The following FMN2 variants were observed in gnomAD, a reference collection of about 807,000 sequenced individuals.
FMN2 encodes formin 2.
A neutral mutation model predicts 142.3 loss-of-function variants in FMN2; 51 were observed. That is an observed-to-expected ratio of 0.36 (90% CI 0.29 to 0.45). The LOEUF (loss-of-function observed/expected upper bound fraction) is 0.45, where lower values mean the gene tolerates loss of function less well. Ranked by LOEUF, FMN2 falls within the 20% of genes least tolerant of loss-of-function variation. The pLI, the probability that FMN2 is intolerant of heterozygous loss-of-function variation, is 1.00. For missense variants in FMN2, 1,936 were observed against 2,122.8 expected, an observed-to-expected ratio of 0.91 and a Z score of 1.73; for synonymous variants, 882 against 869.8, an observed-to-expected ratio of 1.01 and a Z score of -0.25.
At chr1:240,350,405 G>C (rs1295301895) in intron 13 of FMN2, among the ~76,000 whole-genome samples, 1 of 152,158 alleles carries the variant, frequency 6.6e-6, no homozygotes, top group East Asian at 1.9e-4. Flanking sequence ...CTTTCATACA[G>C]GGTCTTAGTA....
At chr1:240,329,269 AATGAG>A in intron 9 of FMN2, 65 bp from the exon 10 acceptor site, 1 of 1,597,898 alleles carries the variant, frequency 6.3e-7, no homozygotes, top group Non-Finnish European at 8.5e-7. Flanking sequence ...ACTTGTTGTG[AATGAG>A]ATGAGGATAA....
At chr1:240,316,254 T>G (rs919541548) in intron 8 of FMN2, among the ~76,000 whole-genome samples, 10 of 152,132 alleles carry the variant, frequency 6.6e-5, no homozygotes, top group African/African-American at 2.4e-5. Context: ...AAGGACTTGA[T>G]CTTCGGGGAG....
At chr1:240,357,051 T>C (rs1400178809) in intron 14 of FMN2, among the ~76,000 whole-genome samples, 1 of 152,184 alleles carries the variant, frequency 6.6e-6, no homozygotes, top group African/African-American at 2.4e-5. Flanking sequence ...CATTGTAAAC[T>C]CATCCCACTC....
At chr1:240,272,463 T>C (rs1039672230) in intron 7 of FMN2, among the ~76,000 whole-genome samples, 4 of 152,192 alleles carry the variant, frequency 2.6e-5, no homozygotes, top group African/African-American at 9.7e-5. Flanking sequence ...AGTAGAGTTA[T>C]GTTTGTATTT....
intron 1 of FMN2, among the ~76,000 whole-genome samples, chr1:240,095,919 A>G (rs747814448): frequency 3.9e-5 from 6 of 152,046 alleles, no homozygotes; most frequent in Admixed American, 6.6e-5. Flanking sequence ...AGTCGTTTTT[A>G]TAAGGACATC....
intron 7 of FMN2, among the ~76,000 whole-genome samples, chr1:240,263,003 C>T (rs1668683293): frequency 6.6e-6 from 1 of 152,084 alleles, no homozygotes; most frequent in Non-Finnish European, 1.5e-5. Context: ...AAGTGATCCA[C>T]CCGCCTCAGC....
rs115061899 is a variant in FMN2, at chr1:240,210,271, C to G, written c.3921-820C>G. Among the ~76,000 whole-genome samples, 219 of 152,290 alleles carry G rather than the reference C, an allele frequency of 1.4e-3. 1 individual carries two copies. The highest frequency in any genetic ancestry group is 5.0e-3 in the African/African-American group (206 of 41,560). The stretch of plus-strand genomic sequence containing the variant: ...GGAAAAACGCACACTGTAAACCTCA[C>G]TGGGGCTTCCTTGTTCTAATGTTTC... On this transcript the variant is annotated intron_variant, in intron 5 of 17. Transcript: ENST00000319653.
chr1:240,156,036 T>G (rs1045391544), intron 2 of FMN2, among the ~76,000 whole-genome samples: 14 of 151,980 alleles, frequency 9.2e-5, no homozygotes, highest in African/African-American at 3.4e-4. Flanking sequence ...CCTAGGAGTT[T>G]GAAACCACCT....
intron 2 of FMN2, among the ~76,000 whole-genome samples, chr1:240,145,999 G>A (rs2103262263): frequency 1.3e-5 from 2 of 152,116 alleles, no homozygotes; most frequent in South Asian, 4.2e-4. Context: ...ACATCTGTTG[G>A]TACATATAAT....
At chr1:240,448,994 T>C (rs1675915912) in intron 16 of FMN2, among the ~76,000 whole-genome samples, 1 of 151,732 alleles carries the variant, frequency 6.6e-6, no homozygotes, top group Non-Finnish European at 1.5e-5. Flanking sequence ...ATACAAAATT[T>C]AGTTGGGCGT....
intron 13 of FMN2, among the ~76,000 whole-genome samples, chr1:240,353,772 C>T (rs1672175211): frequency 6.6e-6 from 1 of 152,048 alleles, no homozygotes; most frequent in South Asian, 2.1e-4. Context: ...TAATGTGCTC[C>T]CTGGCACATA....
intron 3 of FMN2, among the ~76,000 whole-genome samples, chr1:240,186,624 G>C (rs1665463129): frequency 6.6e-6 from 1 of 152,212 alleles, no homozygotes; most frequent in Non-Finnish European, 1.5e-5. Context: ...GGGAAGAAGA[G>C]TGAGTGCAGT....
intron 8 of FMN2, among the ~76,000 whole-genome samples, chr1:240,325,701 G>A (rs1380622081): frequency 3.3e-5 from 5 of 152,142 alleles, no homozygotes; most frequent in Non-Finnish European, 5.9e-5. Flanking sequence ...CAGCTCTCGT[G>A]CAGTAAGGCA....
chr1:240,344,310 A>C lies in FMN2; in HGVS notation c.4765+10081A>C, dbSNP rs113599312. Among the ~76,000 whole-genome samples the C allele has an allele frequency of 3.9e-3, 597 of 152,326 alleles. 6 individuals carry two copies. The highest frequency in any genetic ancestry group is 0.014 in the African/African-American group (567 of 41,572). The stretch of plus-strand genomic sequence containing the variant: ...TGTAATCTATGTATAAATGCTTCTT[A>C]ATAAAATTGTGTCATTCCATGATTT... On this transcript the variant is annotated intron_variant, in intron 13 of 17. Coordinates refer to ENST00000319653, the MANE Select transcript of FMN2 (RefSeq NM_020066.5).
chr1:240,172,677 T>C (rs912419485), intron 2 of FMN2, among the ~76,000 whole-genome samples: 5 of 152,124 alleles, frequency 3.3e-5, no homozygotes, highest in African/African-American at 1.2e-4. Flanking sequence ...AATGAATATA[T>C]CTTAGGAATT....
chr1:240,453,529 G>A (rs1159823919), intron 16 of FMN2, among the ~76,000 whole-genome samples: 1 of 152,126 alleles, frequency 6.6e-6, no homozygotes, highest in East Asian at 1.9e-4. Flanking sequence ...TACCAATGGT[G>A]TTTTGGAAAT....
chr1:240,329,904 G>A (rs1475380528), intron 10 of FMN2, among the ~76,000 whole-genome samples: 2 of 151,856 alleles, frequency 1.3e-5, no homozygotes, highest in African/African-American at 4.8e-5. Context: ...CTCAACAGAA[G>A]ACAAATATTC....
At chr1:240,187,875 A>G (rs1429323818) in intron 3 of FMN2, among the ~76,000 whole-genome samples, 3 of 152,204 alleles carry the variant, frequency 2.0e-5, no homozygotes, top group East Asian at 1.9e-4. Flanking sequence ...GACTTCAGCT[A>G]AGTGAATAAT....
chr1:240,227,362 A>G (rs75362985), intron 6 of FMN2, among the ~76,000 whole-genome samples: 3,314 of 152,278 alleles, frequency 0.022, 113 homozygotes, highest in African/African-American at 0.075. Flanking sequence ...AGATGATGAT[A>G]CTTGCCAAGT....
Sources: allele counts gnomAD v4.1 joint callset (sites outside exome capture counted in the v4.1 genomes callset), GRCh38; gene constraint gnomAD v4.1.1; transcripts MANE v1.5; gene names NCBI Gene and HGNC (gene_info 2026-07-23, HGNC 2026-07-21).